Variants in CSMD1 observed in about 807,000 individuals in gnomAD.
The protein encoded by CSMD1 is CUB and Sushi multiple domains 1.
A neutral mutation model predicts 417.5 loss-of-function variants in CSMD1; 213 were observed. The ratio of observed to expected loss-of-function variants is 0.51; its 90% CI spans 0.46 to 0.57. CSMD1 has a LOEUF of 0.57. Among genes scored for constraint, CSMD1 ranks in the 20% least tolerant of loss-of-function variants. The pLI, the probability that CSMD1 is intolerant of heterozygous loss-of-function variation, is 0.00. For missense variants in CSMD1, 6,923 were observed against 4,529.7 expected (o/e 1.53, Z -15.17); for synonymous variants, 2,862 against 1,736.8 (o/e 1.65, Z -16.11).
chr8:3,303,456 G>C (rs571777550), intron 25 of CSMD1, among the ~76,000 whole-genome samples: 2 of 152,288 alleles, frequency 1.3e-5, no homozygotes, highest in South Asian at 2.1e-4. Context: ...GCATAGGAAT[G>C]CTTTTGACAA....
intron 2 of CSMD1, among the ~76,000 whole-genome samples, chr8:4,615,002 T>C (rs1801393871): frequency 6.6e-6 from 1 of 152,174 alleles, no homozygotes; most frequent in Admixed American, 6.6e-5. Context: ...TTCCCTGAAA[T>C]CAGAATTGGT....
intron 27 of CSMD1, among the ~76,000 whole-genome samples, chr8:3,224,329 C>T (rs779390625): frequency 6.6e-6 from 1 of 152,182 alleles, no homozygotes; most frequent in Non-Finnish European, 1.5e-5. Context: ...TTCTTGAGTG[C>T]ATGCTTCATG....
At chr8:3,440,823 G>A (rs1288176305) in intron 12 of CSMD1, among the ~76,000 whole-genome samples, 1 of 152,112 alleles carries the variant, frequency 6.6e-6, no homozygotes, top group Non-Finnish European at 1.5e-5. Flanking sequence ...ACAAACTGAG[G>A]ACGACCCATT....
Position 3,992,576 on chromosome 8 carries a change from G to C in CSMD1, c.818+5327C>G, listed in dbSNP as rs375708881. 2.0e-5 allele frequency among the ~76,000 whole-genome samples: 3 copies of C among 152,166 alleles called. No individual in the cohort carries two copies. In the East Asian group the frequency reaches 5.8e-4, roughly 29 times the overall value. On this transcript the variant is annotated intron_variant, in intron 5 of 69. Transcript: ENST00000635120. ...AGCCAGCAGAATTCCTTGAGTCCAGGATTTTGAGACCAGCTTGGGCAACAC... is the reference window on the plus strand; with the variant it reads ...AGCCAGCAGAATTCCTTGAGTCCAGCATTTTGAGACCAGCTTGGGCAACAC...
chr8:3,365,615 T>C (rs1163190820), intron 20 of CSMD1, among the ~76,000 whole-genome samples: 7 of 152,170 alleles, frequency 4.6e-5, no homozygotes, highest in Admixed American at 3.3e-4. Context: ...CCTTAGAAAT[T>C]AGTAAAATGT....
At chr8:4,402,588 G>A (rs1464781780) in intron 3 of CSMD1, among the ~76,000 whole-genome samples, 2 of 152,084 alleles carry the variant, frequency 1.3e-5, no homozygotes, top group Admixed American at 6.5e-5. Flanking sequence ...TATAGAAGAT[G>A]CTTTGAATAT....
chr8:3,351,389 T>C (rs1808410655), intron 21 of CSMD1, among the ~76,000 whole-genome samples: 1 of 151,794 alleles, frequency 6.6e-6, no homozygotes, highest in Admixed American at 6.6e-5. Context: ...GGCAGGCGGA[T>C]CACCTGAGGT....
chr8:4,262,753 T>A (rs1236144856), intron 3 of CSMD1, among the ~76,000 whole-genome samples: 1 of 152,186 alleles, frequency 6.6e-6, no homozygotes, highest in Non-Finnish European at 1.5e-5. Context: ...TTTTCTTTAC[T>A]TCCTTGCAAA....
chr8:4,832,210 G>A (rs775358860), intron 1 of CSMD1, among the ~76,000 whole-genome samples: 12 of 152,168 alleles, frequency 7.9e-5, no homozygotes, highest in Non-Finnish European at 1.3e-4. Flanking sequence ...GGGAGGGTTT[G>A]GGAGGTGAGA....
chr8:4,415,486 C>T (rs73658853), intron 3 of CSMD1, among the ~76,000 whole-genome samples: 8,483 of 152,222 alleles, frequency 0.056, 796 homozygotes, highest in African/African-American at 0.19. Flanking sequence ...ATGGCCTCTA[C>T]ATGGCCCACG....
At chr8:4,219,828 G>A (rs1412772378) in intron 3 of CSMD1, among the ~76,000 whole-genome samples, 1 of 152,158 alleles carries the variant, frequency 6.6e-6, no homozygotes, top group Admixed American at 6.5e-5. Flanking sequence ...CTAATTATCT[G>A]TAAGTTACTT....
chr8:4,482,925 G>A (rs565080199), intron 2 of CSMD1, among the ~76,000 whole-genome samples: 1 of 152,098 alleles, frequency 6.6e-6, no homozygotes, highest in Non-Finnish European at 1.5e-5. Flanking sequence ...TTAATTTTTA[G>A]TAAGTATGGG....
chr8:3,934,538 T>C (rs979211028), intron 5 of CSMD1, among the ~76,000 whole-genome samples: 6 of 152,142 alleles, frequency 3.9e-5, no homozygotes, highest in Non-Finnish European at 8.8e-5. Flanking sequence ...GTGCTGCCTT[T>C]ATCACTAACT....
intron 1 of CSMD1, among the ~76,000 whole-genome samples, chr8:4,687,984 C>T (rs1259184657): frequency 6.6e-6 from 1 of 152,172 alleles, no homozygotes; most frequent in African/African-American, 2.4e-5. Flanking sequence ...TTCACTGCTT[C>T]TTGATTCTAT....
At chr8:3,836,053 G>C (rs984666080) in intron 5 of CSMD1, among the ~76,000 whole-genome samples, 1 of 151,850 alleles carries the variant, frequency 6.6e-6, no homozygotes, top group Non-Finnish European at 1.5e-5. Context: ...ATTGTTTATT[G>C]ATTTTCTATG....
Position 4,066,916 on chromosome 8 carries a change from A to C in CSMD1, c.416-34817T>G, listed in dbSNP as rs142830223. ...GTAACTATAACATTATGCTTTAAGT[A>C]AAGTGACAAATGCTATTTGTATTGT... On this transcript the variant is annotated intron_variant, in intron 3 of 69. Coordinates refer to ENST00000635120, the MANE Select transcript of CSMD1 (RefSeq NM_033225.6). Among the ~76,000 whole-genome samples, 104 of 152,372 alleles carry C rather than the reference A, an allele frequency of 6.8e-4. No homozygotes were observed. In the Middle Eastern group the frequency reaches 0.014, roughly 20 times the overall value.
intron 6 of CSMD1, among the ~76,000 whole-genome samples, chr8:3,712,568 A>G (rs1199235820): frequency 1.3e-5 from 2 of 152,224 alleles, no homozygotes; most frequent in Non-Finnish European, 2.9e-5. Context: ...CAGATCTTCG[A>G]ATGAATGATA....
At position 4,809,979 on chromosome 8, in the gene CSMD1, A is replaced by G. The variant is rs552203222; in HGVS notation, c.86-172421T>C. ...CTTCTCCTGCAAACGGGGTAATTAC[A>G]GTATTGTCAGGAATATCAAGTGAAT... On this transcript the variant is annotated intron_variant, in intron 1 of 69. Transcript: ENST00000635120. Among the ~76,000 whole-genome samples the G allele has an allele frequency of 2.8e-3, 419 of 152,306 alleles. 2 individuals are homozygous for G. The highest frequency in any genetic ancestry group is 9.6e-3 in the African/African-American group (400 of 41,580).
chr8:3,845,866 A>T lies in CSMD1; in HGVS notation c.819-91824T>A, dbSNP rs182066767. ...TACTTTCTATACTTCTTTTGTTAAA[A>T]ATGAAGACACAAACACACACGTTGT... On this transcript the variant is annotated intron_variant, in intron 5 of 69. Transcript: ENST00000635120. 1.7e-4 allele frequency among the ~76,000 whole-genome samples: 26 copies of T among 152,070 alleles called. No individual in the cohort carries two copies. In the East Asian group the frequency reaches 1.7e-3, roughly 10 times the overall value.
Sources: gnomAD v4.1 joint callset for allele counts (sites outside exome capture counted in the v4.1 genomes callset) on GRCh38, gnomAD v4.1.1 for gene constraint, MANE v1.5 for transcripts, NCBI Gene and HGNC (gene_info 2026-07-23, HGNC 2026-07-21) for gene names.